The following ZKSCAN8 variants were observed in gnomAD, a reference collection of about 807,000 sequenced individuals.
ZKSCAN8 encodes zinc finger protein with KRAB and SCAN domains 8.
ZKSCAN8 carries 27 observed loss-of-function variants against 57.2 expected under a neutral mutation model. The ratio of observed to expected loss-of-function variants is 0.47; its 90% CI spans 0.35 to 0.65. The LOEUF (loss-of-function observed/expected upper bound fraction) is 0.65. ZKSCAN8 is among the 30% of genes least tolerant of loss of function. The probability of loss-of-function intolerance (pLI) is 0.01; values close to 1 mark genes in which losing one functional copy is unlikely to be tolerated. For synonymous variants in ZKSCAN8, 214 were observed against 248.7 expected (o/e 0.86, Z 1.31); for missense variants, 597 against 696.3 (o/e 0.86, Z 1.60).
chr6:28,152,899 T>G (rs1765640422), intron 5 of ZKSCAN8, among the ~76,000 whole-genome samples, 157 bp from the exon 6 acceptor site: 1 of 152,210 alleles, frequency 6.6e-6, no homozygotes, highest in Non-Finnish European at 1.5e-5. Flanking sequence ...TTAAGCAAGG[T>G]CACTATTAAG....
At chr6:28,148,275 C>T (rs1765467202) in intron 1 of ZKSCAN8, 41 bp from the exon 2 acceptor site, 4 of 966,948 alleles carry the variant, frequency 4.1e-6, no homozygotes, top group Admixed American at 2.9e-5. Context: ...GTTACAATGA[C>T]TTTTGACTTG....
chr6:28,149,787 T>C (rs543471575), intron 3 of ZKSCAN8, among the ~76,000 whole-genome samples, 163 bp downstream of exon 3: 1 of 152,300 alleles, frequency 6.6e-6, no homozygotes, highest in Admixed American at 6.5e-5. Context: ...GATTATTCTT[T>C]CTAGTGGTAA....
Position 28,155,164 on chromosome 6 carries a change from G to T in ZKSCAN8, c.*1147G>T, listed in dbSNP as rs1460545964. The T allele has an allele frequency of 6.6e-6, 1 of 152,120 alleles. No individual in the cohort carries two copies. The highest frequency in any genetic ancestry group is 1.9e-4 in the East Asian group (1 of 5,184). 9.4% of individuals were successfully genotyped at this position (152,120 alleles called of 1,614,324 possible). On this transcript the variant is annotated 3_prime_UTR_variant, in exon 6 of 6. Coordinates refer to ENST00000330236, the MANE Select transcript of ZKSCAN8 (RefSeq NM_006298.4). ...TTTATATGACTTTAATATCCACAGT[G>T]GTAATCTAATACCTTACCTCACAGG... is the stretch of plus-strand genomic sequence containing the variant.
In ZKSCAN8 at chr6:28,156,457, T is replaced by C. The variant is rs1251234366; in HGVS notation, c.*2440T>C. On this transcript the variant is annotated 3_prime_UTR_variant, in exon 6 of 6. Coordinates refer to ENST00000330236, the MANE Select transcript of ZKSCAN8 (RefSeq NM_006298.4). The stretch of plus-strand genomic sequence containing the variant: ...AATATGACTAGAAAAATTAGTGTTA[T>C]ATTGGGTGTGAGAAAAGACTGTGTC... 1.6e-5 allele frequency: 6 copies of C among 363,838 alleles called. No individual in the cohort carries two copies. The highest frequency in any genetic ancestry group is 7.0e-4 in the Middle Eastern group (1 of 1,430). The allele number at this position is 363,838 out of a possible 1,614,324, so 22.5% of individuals were successfully genotyped here. A position where few individuals can be genotyped will look rare whatever the true frequency, so the allele number is the denominator to read the frequency against.
At chr6:28,146,537 A>C (rs1765403118) in intron 1 of ZKSCAN8, among the ~76,000 whole-genome samples, 1 of 152,214 alleles carries the variant, frequency 6.6e-6, no homozygotes, top group East Asian at 1.9e-4. Context: ...TTGAGATATC[A>C]GTTGTCCCTA....
At position 28,153,533 on chromosome 6, in the gene ZKSCAN8, G is replaced by C. The variant is rs201882419; in HGVS notation, c.1253G>C (p.Ser418Thr). 4.3e-6 allele frequency: 7 copies of C among 1,612,264 alleles called. No homozygotes were observed. The highest frequency in any genetic ancestry group is 5.9e-6 in the Non-Finnish European group (7 of 1,178,504). ...CNQCGKAFSQ[S>T]AGLILHQRIH... ...CAGTGTGGGAAGGCTTTCAGTCAGA[G>C]TGCGGGCCTTATTCTGCACCAGAGA... The change falls in exon 6 of 6, where the codon AGT (serine) becomes ACT (threonine). Residue 418 changes from serine to threonine, a missense_variant. By Grantham distance (58) the Ser-to-Thr change is moderately conservative (BLOSUM62 1). Transcript: ENST00000330236.
Position 28,158,108 on chromosome 6 carries a change from G to C in ZKSCAN8, c.*4091G>C, listed in dbSNP as rs192458620. On this transcript the variant is annotated 3_prime_UTR_variant, in exon 6 of 6. Transcript: ENST00000330236. ...AGACTCACCAGTGGACAAATAATAAGGCCTTTTTTTATTATTATTTCTTGT... is the reference window on the plus strand; with the variant it reads ...AGACTCACCAGTGGACAAATAATAACGCCTTTTTTTATTATTATTTCTTGT... 2.6e-5 allele frequency: 4 copies of C among 151,798 alleles called. No individual in the cohort carries two copies. In the East Asian group the frequency reaches 7.7e-4, roughly 29 times the overall value. The allele number at this position is 151,798 out of a possible 1,614,324, so 9.4% of individuals were successfully genotyped here. A position where few individuals can be genotyped will look rare whatever the true frequency, so the allele number is the denominator to read the frequency against.
chr6:28,142,446 A>G (rs1765249585), intron 1 of ZKSCAN8, among the ~76,000 whole-genome samples: 1 of 152,052 alleles, frequency 6.6e-6, no homozygotes, highest in Non-Finnish European at 1.5e-5. Context: ...CCGTTTATCC[A>G]TGGAAACCAA....
chr6:28,152,319 A>T lies in ZKSCAN8; in HGVS notation c.710A>T (p.Asp237Val), dbSNP rs777233536. ...CTTATTCGAGAGGAGTGGCTTCTTG[A>T]TCCATCACAGAAGGATCTGTGTAGA... ...VSLIREEWLL[D>V]PSQKDLCRDN... Residue 237 changes from aspartate to valine, a missense_variant, in exon 5 of 6, where the codon GAT (aspartate) becomes GTT (valine). By Grantham distance (152) the Asp-to-Val change is radical. Transcript: ENST00000330236. The T allele has an allele frequency of 5.6e-6, 9 of 1,613,700 alleles. No individual in the cohort carries two copies. Among genetic ancestry groups the T allele is most frequent in the African/African-American group, 1.3e-5 (1 of 74,994 alleles).
chr6:28,150,151 T>C (rs1561820357), intron 3 of ZKSCAN8, among the ~76,000 whole-genome samples: 2 of 152,358 alleles, frequency 1.3e-5, no homozygotes, highest in East Asian at 3.9e-4. Context: ...ATTATGTTCT[T>C]TCTGGTTCAG....
rs935081745 is a variant in ZKSCAN8, at chr6:28,157,243, T to C, written c.*3226T>C. On this transcript the variant is annotated 3_prime_UTR_variant, in exon 6 of 6. Transcript: ENST00000330236. ...AAACCGTCCGATCTTGTGAGACTTA[T>C]TCACTATCACAAGAACAGCACAGGA... is the stretch of plus-strand genomic sequence containing the variant. The C allele has an allele frequency of 1.3e-5, 2 of 152,188 alleles. No individual in the cohort carries two copies. Among genetic ancestry groups the C allele is most frequent in the Admixed American group, 6.5e-5 (1 of 15,280 alleles). 9.4% of individuals were successfully genotyped at this position (152,188 alleles called of 1,614,324 possible).
intron 4 of ZKSCAN8, 107 bp from the exon 5 acceptor site, chr6:28,152,154 A>T: frequency 1.3e-6 from 2 of 1,503,638 alleles, no homozygotes; most frequent in Non-Finnish European, 1.8e-6. Context: ...TACATAGTAC[A>T]TTCCCAAGTT....
intron 3 of ZKSCAN8, 64 bp from the exon 4 acceptor site, chr6:28,151,781 G>A (rs1318236789): frequency 1.5e-6 from 2 of 1,303,390 alleles, no homozygotes; most frequent in Non-Finnish European, 2.2e-6. Flanking sequence ...TGGAATGGGT[G>A]AGTGCCAGCT....
rs1453731905 is a variant in ZKSCAN8, at chr6:28,153,346, G to T, written c.1066G>T (p.Gly356Cys). 2 of 1,614,102 alleles carry T rather than the reference G, an allele frequency of 1.2e-6. No individual in the cohort carries two copies. The highest frequency in any genetic ancestry group is 4.5e-5 in the East Asian group (2 of 44,872). Residue 356 changes from glycine to cysteine, a missense_variant, in exon 6 of 6, where the codon GGT (glycine) becomes TGT (cysteine). By Grantham distance (159) the Gly-to-Cys change is radical. Coordinates refer to ENST00000330236, the MANE Select transcript of ZKSCAN8 (RefSeq NM_006298.4). ...GAAACCCTATCAGTGTAATGTGTGT[G>T]GTAAAGCCTTCAGTTACAGGTCAGC... ...GEKPYQCNVC[G>C]KAFSYRSALL...
chr6:28,159,383 A>G lies in ZKSCAN8; in HGVS notation c.*5366A>G, dbSNP rs189742121. 94 of 152,346 alleles carry G rather than the reference A, an allele frequency of 6.2e-4. No individual in the cohort carries two copies. The highest frequency in any genetic ancestry group is 3.3e-3 in the Admixed American group (50 of 15,308). 9.4% of individuals were successfully genotyped at this position (152,346 alleles called of 1,614,324 possible). A position where few individuals can be genotyped will look rare whatever the true frequency, so the allele number is the denominator to read the frequency against. On this transcript the variant is annotated 3_prime_UTR_variant, in exon 6 of 6. Coordinates refer to ENST00000330236, the MANE Select transcript of ZKSCAN8 (RefSeq NM_006298.4). Reference sequence around the variant, plus strand: ...TGAGGGCAGGAATAATAACTTTTACATTTGTATCTCTGCACCCCCGAGTGC... The same window carrying G: ...TGAGGGCAGGAATAATAACTTTTACGTTTGTATCTCTGCACCCCCGAGTGC...
In ZKSCAN8 at chr6:28,155,105, C is replaced by G. The variant is rs1161738108; in HGVS notation, c.*1088C>G. 1 of 152,492 alleles carries G rather than the reference C, an allele frequency of 6.6e-6. No homozygotes were observed. The highest frequency in any genetic ancestry group is 2.4e-5 in the African/African-American group (1 of 41,414). 9.4% of individuals were successfully genotyped at this position (152,492 alleles called of 1,614,324 possible). On this transcript the variant is annotated 3_prime_UTR_variant, in exon 6 of 6. Coordinates refer to ENST00000330236, the MANE Select transcript of ZKSCAN8 (RefSeq NM_006298.4). ...ATCTCTTTAGATGGCCTCAGCACCT[C>G]ACTCGTTATTCTCCATCTGTTTCTT... is the stretch of plus-strand genomic sequence containing the variant.
rs900547546 is a variant in ZKSCAN8, at chr6:28,159,101, G to C, written c.*5084G>C. The C allele has an allele frequency of 6.6e-6, 1 of 152,156 alleles. No individual in the cohort carries two copies. The highest frequency in any genetic ancestry group is 1.5e-5 in the Non-Finnish European group (1 of 68,070). 9.4% of individuals were successfully genotyped at this position (152,156 alleles called of 1,614,324 possible). On this transcript the variant is annotated 3_prime_UTR_variant, in exon 6 of 6. Coordinates refer to ENST00000330236, the MANE Select transcript of ZKSCAN8 (RefSeq NM_006298.4). ...TTTCTCATGCTATTCTTTTTGCTTAGATTGCTCTTTGGTCCCAGCTCATGT... is the reference window on the plus strand; with the variant it reads ...TTTCTCATGCTATTCTTTTTGCTTACATTGCTCTTTGGTCCCAGCTCATGT...
intron 1 of ZKSCAN8, among the ~76,000 whole-genome samples, chr6:28,143,489 A>G (rs866948446): frequency 2.6e-5 from 4 of 152,296 alleles, no homozygotes; most frequent in Middle Eastern, 6.8e-3. Flanking sequence ...AAAATATTTT[A>G]TAGCCTCCTG....
rs1229907648 is a variant in ZKSCAN8, at chr6:28,153,502, T to C, written c.1222T>C (p.Cys408Arg). ...CCACACTGGGGAGAAGCCATATCAG[T>C]GCAATCAGTGTGGGAAGGCTTTCAG... The part of the protein sequence containing the change: ...RIHTGEKPYQ[C>R]NQCGKAFSQS... Residue 408 changes from cysteine (C) to arginine (R), a missense_variant, in exon 6 of 6, where the codon TGC becomes CGC. By Grantham distance (180) the Cys-to-Arg change is radical (BLOSUM62 -3). Coordinates refer to ENST00000330236, the MANE Select transcript of ZKSCAN8 (RefSeq NM_006298.4). The C allele has an allele frequency of 2.5e-6, 4 of 1,612,278 alleles. No homozygotes were observed. The highest frequency in any genetic ancestry group is 3.4e-6 in the Non-Finnish European group (4 of 1,178,492).
Sources: allele counts gnomAD v4.1 joint callset (sites outside exome capture counted in the v4.1 genomes callset), GRCh38; gene constraint gnomAD v4.1.1; transcripts MANE v1.5; gene names NCBI Gene and HGNC (gene_info 2026-07-23, HGNC 2026-07-21).